The following APBB1IP variants were observed in gnomAD, a reference collection of about 807,000 sequenced individuals.
APBB1IP encodes the protein amyloid beta precursor protein binding family B member 1 interacting protein.
Under a neutral mutation model 64.9 loss-of-function variants are expected in APBB1IP, and 27 were observed. That is an observed-to-expected ratio of 0.42 (90% CI 0.31 to 0.57). The LOEUF (loss-of-function observed/expected upper bound fraction) is 0.57. APBB1IP is among the 20% of genes least tolerant of loss of function. The pLI, the probability that APBB1IP is intolerant of heterozygous loss-of-function variation, is 0.20. For missense variants in APBB1IP, 812 were observed against 845.5 expected (o/e 0.96, Z 0.49); for synonymous variants, 392 against 331.0 (o/e 1.18, Z -2.00).
At position 26,560,220 on chromosome 10, in the gene APBB1IP, A is replaced by T; in HGVS notation, c.1254+17A>T. The stretch of plus-strand genomic sequence containing the variant: ...ATAGCCAAGGTGAGAGAGCGTTCGG[A>T]CTTCACCCTGTCTTGAACTTGCCAG... On this transcript the variant is annotated intron_variant, in intron 12 of 14. Transcript: ENST00000376236. 6.2e-7 allele frequency: 1 copy of T among 1,609,590 alleles called. No homozygotes were observed. The highest frequency in any genetic ancestry group is 1.3e-5 in the African/African-American group (1 of 74,910).
intron 2 of APBB1IP, among the ~76,000 whole-genome samples, chr10:26,471,726 C>T (rs1188721267): frequency 6.6e-6 from 1 of 151,980 alleles, no homozygotes; most frequent in Admixed American, 6.6e-5. Flanking sequence ...TGCTCTGTCG[C>T]CAGGCTGGAG....
At chr10:26,488,201 A>T (rs1447974276) in intron 2 of APBB1IP, among the ~76,000 whole-genome samples, 1 of 151,972 alleles carries the variant, frequency 6.6e-6, no homozygotes, top group Admixed American at 6.6e-5. Flanking sequence ...GAAACCATGG[A>T]GATAATATCT....
At chr10:26,461,419 C>G (rs930935672) in intron 2 of APBB1IP, among the ~76,000 whole-genome samples, 1 of 152,250 alleles carries the variant, frequency 6.6e-6, no homozygotes, top group African/African-American at 2.4e-5. Flanking sequence ...TTTCATACAT[C>G]AAATTTAAAT....
intron 11 of APBB1IP, among the ~76,000 whole-genome samples, chr10:26,558,077 T>C (rs1233789995): frequency 6.6e-6 from 1 of 151,604 alleles, no homozygotes; most frequent in Non-Finnish European, 1.5e-5. Context: ...CTAGCAGGAT[T>C]AATGAATCCT....
At chr10:26,475,912 C>T (rs1461519617) in intron 2 of APBB1IP, among the ~76,000 whole-genome samples, 1 of 152,094 alleles carries the variant, frequency 6.6e-6, no homozygotes, top group Non-Finnish European at 1.5e-5. Context: ...TTCTTTTATT[C>T]TCCAGCTTTT....
intron 5 of APBB1IP, among the ~76,000 whole-genome samples, chr10:26,502,198 C>T (rs1326793804): frequency 6.6e-5 from 10 of 152,194 alleles, no homozygotes; most frequent in Admixed American, 6.5e-4. Context: ...GTAACCAGAA[C>T]AGCTCATTTC....
intron 11 of APBB1IP, among the ~76,000 whole-genome samples, chr10:26,545,649 A>T (rs1044328597): frequency 6.6e-6 from 1 of 151,852 alleles, no homozygotes; most frequent in Admixed American, 6.6e-5. Context: ...AGTCCCAGCT[A>T]CTCGAGAGGC....
intron 11 of APBB1IP, among the ~76,000 whole-genome samples, chr10:26,553,586 C>G (rs143868635): frequency 1.8e-4 from 27 of 152,206 alleles, no homozygotes; most frequent in African/African-American, 6.5e-4. Context: ...TGAGCCCAGG[C>G]GTTGGAAGTT....
intron 11 of APBB1IP, among the ~76,000 whole-genome samples, chr10:26,558,883 C>T (rs1008002955): frequency 6.6e-6 from 1 of 152,222 alleles, no homozygotes; most frequent in African/African-American, 2.4e-5. Flanking sequence ...TCTTTGTGAG[C>T]TCCTGGAAGG....
At chr10:26,458,360 C>T (rs1188008395) in intron 2 of APBB1IP, among the ~76,000 whole-genome samples, 2 of 151,604 alleles carry the variant, frequency 1.3e-5, no homozygotes, top group African/African-American at 4.9e-5. Context: ...TGCACTCCAG[C>T]CTGGGTGACC....
At chr10:26,448,208 A>AT (rs35189173) in intron 2 of APBB1IP, among the ~76,000 whole-genome samples, 58,754 of 151,510 alleles carry the variant, frequency 0.39, 11,605 homozygotes, top group South Asian at 0.5. Flanking sequence ...AGATTATTTC[A>AT]TTTTTTTAAT....
chr10:26,517,096 C>T (rs918206762), intron 8 of APBB1IP, among the ~76,000 whole-genome samples: 7 of 152,192 alleles, frequency 4.6e-5, no homozygotes, highest in Admixed American at 4.6e-4. Flanking sequence ...TTTCTGGAAC[C>T]GCAGTTTCTC....
intron 11 of APBB1IP, 134 bp from the exon 12 acceptor site, chr10:26,559,971 A>G: frequency 1.4e-6 from 1 of 705,862 alleles, no homozygotes; most frequent in Non-Finnish European, 2.5e-6. Context: ...TCCTAATCTT[A>G]ACATTACAAC....
At chr10:26,508,759 G>A (rs1836216006) in intron 6 of APBB1IP, among the ~76,000 whole-genome samples, 1 of 152,062 alleles carries the variant, frequency 6.6e-6, no homozygotes, top group Non-Finnish European at 1.5e-5. Context: ...GTGTGTGTGT[G>A]TTTTCTAAAT....
At chr10:26,549,337 C>G (rs747891707) in intron 11 of APBB1IP, among the ~76,000 whole-genome samples, 2 of 152,158 alleles carry the variant, frequency 1.3e-5, no homozygotes, top group Non-Finnish European at 2.9e-5. Flanking sequence ...ATGTAGGCCT[C>G]ATAGAATGAG....
chr10:26,474,082 T>A (rs545495993), intron 2 of APBB1IP, among the ~76,000 whole-genome samples: 127 of 152,090 alleles, frequency 8.4e-4, no homozygotes, highest in African/African-American at 2.8e-3. Context: ...TTCAGTGATT[T>A]TTTTTAATGT....
intron 10 of APBB1IP, 25 bp downstream of exon 10, chr10:26,536,242 C>T: frequency 1.3e-6 from 2 of 1,483,288 alleles, no homozygotes; most frequent in Non-Finnish European, 1.8e-6. Flanking sequence ...AAAAAAAGCA[C>T]TTAGCAATAA....
intron 8 of APBB1IP, among the ~76,000 whole-genome samples, chr10:26,517,286 A>G (rs1836344269): frequency 6.6e-6 from 1 of 152,234 alleles, no homozygotes; most frequent in African/African-American, 2.4e-5. Flanking sequence ...TACCACCCAC[A>G]TGAAGATAAC....
chr10:26,533,595 G>A (rs116332051), intron 9 of APBB1IP, 70 bp downstream of exon 9: 219 of 994,988 alleles, frequency 2.2e-4, no homozygotes, highest in African/African-American at 1.7e-3. Context: ...ATTTGCTTCC[G>A]AGAACAATGG....
Sources: allele counts gnomAD v4.1 joint callset (sites outside exome capture counted in the v4.1 genomes callset), GRCh38; gene constraint gnomAD v4.1.1; transcripts MANE v1.5; gene names NCBI Gene and HGNC (gene_info 2026-07-23, HGNC 2026-07-21).